ABCC2: variants seen among roughly 807,000 people sequenced by gnomAD.
ABCC2 encodes the protein ATP binding cassette subfamily C member 2.
Under a neutral mutation model 173.4 loss-of-function variants are expected in ABCC2, and 157 were observed. The observed-to-expected ratio is 0.91, with a 90% CI of 0.80 to 1.03. The LOEUF (loss-of-function observed/expected upper bound fraction) is 1.03, where lower values mean the gene tolerates loss of function less well. Ranked by LOEUF, ABCC2 falls within the 50% of genes least tolerant of loss-of-function variation. The pLI, the probability that ABCC2 is intolerant of heterozygous loss-of-function variation, is 0.00. For missense variants in ABCC2, 1,822 were observed against 1,852.3 expected (o/e 0.98, Z 0.30); for synonymous variants, 657 against 693.5 (o/e 0.95, Z 0.83).
chr10:99,794,015 T>C lies in ABCC2; in HGVS notation c.576+16T>C, dbSNP rs775740714. 4.5e-6 allele frequency: 7 copies of C among 1,563,382 alleles called. No individual in the cohort carries two copies. Among genetic ancestry groups the C allele is most frequent in the East Asian group, 4.5e-5 (2 of 44,642 alleles). On this transcript the variant is annotated intron_variant, in intron 5 of 31. Coordinates refer to ENST00000647814, the MANE Select transcript of ABCC2 (RefSeq NM_000392.5). ...GTCATCAAATGTGAGATTCTAAATATGCCCATCTCATATATTACTTAATTG... is the reference window on the plus strand; with the variant it reads ...GTCATCAAATGTGAGATTCTAAATACGCCCATCTCATATATTACTTAATTG...
In ABCC2 at chr10:99,814,131, G is replaced by A. The variant is rs1321604222; in HGVS notation, c.2094+987G>A. On this transcript the variant is annotated intron_variant, in intron 16 of 31. Transcript: ENST00000647814. The stretch of plus-strand genomic sequence containing the variant: ...CATATGTGTATATACACACATATGT[G>A]TGTATATATACACACATGTATGTAT... Among the ~76,000 whole-genome samples, 4 of 110,720 alleles carry A rather than the reference G, an allele frequency of 3.6e-5. 1 individual carries two copies. Among genetic ancestry groups the A allele is most frequent in the African/African-American group, 1.5e-4 (4 of 27,134 alleles). 72.6% of individuals were successfully genotyped at this position (110,720 alleles called of 152,430 possible). A position where few individuals can be genotyped will look rare whatever the true frequency, so the allele number is the denominator to read the frequency against.
chr10:99,817,479 G>A lies in ABCC2; in HGVS notation c.2266G>A (p.Glu756Lys). 1.2e-6 allele frequency: 2 copies of A among 1,614,150 alleles called. No individual in the cohort carries two copies. Among genetic ancestry groups the A allele is most frequent in the Non-Finnish European group, 1.7e-6 (2 of 1,180,022 alleles). Residue 756 changes from glutamate to lysine, a missense_variant, in exon 17 of 32, where the codon GAG becomes AAG. Transcript: ENST00000647814. ...TGGAGGAGATTTGGCTGAGATTGGA[G>A]AGAAGGTACTTGGGATAACAAGGGA... ...LPGGDLAEIG[E>K]KGINLSGGQK...
chr10:99,827,886 C>T (rs539164167), intron 19 of ABCC2, among the ~76,000 whole-genome samples: 177 of 136,740 alleles, frequency 1.3e-3, no homozygotes, highest in African/African-American at 4.4e-3. Flanking sequence ...CGGGATCTCT[C>T]GTCGACTTGT....
chr10:99,795,697 CAAAA>C (rs2037888959), intron 6 of ABCC2, among the ~76,000 whole-genome samples: 4 of 124,982 alleles, frequency 3.2e-5, no homozygotes, highest in South Asian at 2.5e-4. Flanking sequence ...AAAATTCCAT[CAAAA>C]GAAAGAGAGA....
At chr10:99,830,269 A>G (rs775356253) in intron 19 of ABCC2, 38 bp from the exon 20 acceptor site, 5 of 1,613,722 alleles carry the variant, frequency 3.1e-6, no homozygotes, top group Non-Finnish European at 4.2e-6. Context: ...ACAGGGATCT[A>G]TGCAGCTCTT....
At chr10:99,818,222 CA>C (rs34662003) in intron 17 of ABCC2, among the ~76,000 whole-genome samples, 22 of 144,430 alleles carry the variant, frequency 1.5e-4, no homozygotes, top group Non-Finnish European at 2.6e-4. Context: ...GACTCCATCT[CA>C]AAAAAAAAAA....
chr10:99,804,800 C>A (rs1319030192), intron 10 of ABCC2, among the ~76,000 whole-genome samples: 1 of 152,180 alleles, frequency 6.6e-6, no homozygotes, highest in Non-Finnish European at 1.5e-5. Context: ...ATTCAAGTTA[C>A]AAATAATTGT....
At chr10:99,851,122 C>G (rs2039083225) in intron 31 of ABCC2, among the ~76,000 whole-genome samples, 1 of 152,232 alleles carries the variant, frequency 6.6e-6, no homozygotes, top group Non-Finnish European at 1.5e-5. Context: ...TGAGCCTCAG[C>G]TGCTGCTCTG....
chr10:99,814,445 ATG>A lies in ABCC2; in HGVS notation c.2094+1307_2094+1308del, dbSNP rs1415427580. Among the ~76,000 whole-genome samples, 80 of 94,182 alleles carry A rather than the reference ATG, an allele frequency of 8.5e-4. 18 individuals carry two copies. The highest frequency in any genetic ancestry group is 1.3e-3 in the Non-Finnish European group (65 of 49,122). The allele number at this position is 94,182 out of a possible 152,430, so 61.8% of individuals were successfully genotyped here. A position where few individuals can be genotyped will look rare whatever the true frequency, so the allele number is the denominator to read the frequency against. ...TGTGCATATATGTGTATACACACATATGTGTGTATATACATACACACATATGT... is the reference window on the plus strand; with the variant it reads ...TGTGCATATATGTGTATACACACATATGTGTATATACATACACACATATGT... On this transcript the variant is annotated intron_variant, in intron 16 of 31. Coordinates refer to ENST00000647814, the MANE Select transcript of ABCC2 (RefSeq NM_000392.5).
intron 10 of ABCC2, 64 bp from the exon 11 acceptor site, chr10:99,805,318 C>T: frequency 6.8e-7 from 1 of 1,470,394 alleles, no homozygotes; most frequent in Non-Finnish European, 9.5e-7. Flanking sequence ...CTGATGTCTG[C>T]AGCAAACCTG....
rs760171621 is a variant in ABCC2, at chr10:99,807,989, G to A, written c.1669-94G>A. 4.6e-4 allele frequency: 668 copies of A among 1,465,294 alleles called. 1 individual carries two copies. The highest frequency in any genetic ancestry group is 5.6e-4 in the Non-Finnish European group (594 of 1,053,422). 90.8% of individuals were successfully genotyped at this position (1,465,294 alleles called of 1,614,324 possible). A position where few individuals can be genotyped will look rare whatever the true frequency, so the allele number is the denominator to read the frequency against. On this transcript the variant is annotated intron_variant, in intron 12 of 31. Transcript: ENST00000647814. ...GGGGAGGCTGGATGATCCTTAAGGC[G>A]CCTTCAACTCTGATATATGGTGTTC...
chr10:99,844,508 C>A, intron 28 of ABCC2, 43 bp downstream of exon 28: 1 of 1,606,928 alleles, frequency 6.2e-7, no homozygotes, highest in South Asian at 1.1e-5. Context: ...GCCTTGTGAT[C>A]AAACAACAAT....
Position 99,793,939 on chromosome 10 carries a change from C to T in ABCC2, c.516C>T (p.Tyr172=), listed in dbSNP as rs766116167. Residue 172 remains tyrosine (Y), a synonymous_variant, in exon 5 of 32, where the codon TAC becomes TAT. Transcript: ENST00000647814. ...LAYSCLFFIS[Y]GFQILILIFS... ...ACTCCTGCCTGTTCTTCATCTCCTACGGATTCCAGATCCTGATCCTGATCT... is the reference window on the plus strand; with the variant it reads ...ACTCCTGCCTGTTCTTCATCTCCTATGGATTCCAGATCCTGATCCTGATCT... 24 of 1,613,762 alleles carry T rather than the reference C, an allele frequency of 1.5e-5. No homozygotes were observed. The highest frequency in any genetic ancestry group is 1.2e-4 in the Admixed American group (7 of 59,990).
At chr10:99,802,976 AT>A (rs1320685976) in intron 9 of ABCC2, among the ~76,000 whole-genome samples, 1 of 151,900 alleles carries the variant, frequency 6.6e-6, no homozygotes, top group Non-Finnish European at 1.5e-5. Context: ...TATTTTATTT[AT>A]TTATTTTTCA....
intron 16 of ABCC2, among the ~76,000 whole-genome samples, chr10:99,814,286 C>T (rs79272160): frequency 0.014 from 1,018 of 72,166 alleles, 170 homozygotes; most frequent in African/African-American, 0.06. Flanking sequence ...CGTATGTATA[C>T]ACACACGTAT....
At chr10:99,813,180 C>T (rs1410398670) in intron 16 of ABCC2, 36 bp downstream of exon 16, 16 of 1,609,512 alleles carry the variant, frequency 9.9e-6, no homozygotes, top group Non-Finnish European at 1.3e-5. Context: ...CCTCTGACTC[C>T]CGAATGTCAG....
In ABCC2 at chr10:99,832,033, A is replaced by G. The variant is rs2133115842; in HGVS notation, c.3160A>G (p.Asn1054Asp). The G allele has an allele frequency of 6.2e-7, 1 of 1,614,222 alleles. No individual in the cohort carries two copies. The highest frequency in any genetic ancestry group is 8.5e-7 in the Non-Finnish European group (1 of 1,180,032). ...TGCCTTTGGTTTCGTCCATGCATCAAATATCTTGCACAAGCAACTGCTGAA... is the reference window on the plus strand; with the variant it reads ...TGCCTTTGGTTTCGTCCATGCATCAGATATCTTGCACAAGCAACTGCTGAA... ...WSAFGFVHAS[N>D]ILHKQLLNNI... The change falls in exon 23 of 32, where the codon AAT (asparagine) becomes GAT (aspartate). Residue 1054 changes from asparagine (N) to aspartate (D), a missense_variant. Coordinates refer to ENST00000647814, the MANE Select transcript of ABCC2 (RefSeq NM_000392.5).
chr10:99,821,156 G>T (rs933972906), intron 19 of ABCC2, among the ~76,000 whole-genome samples: 1 of 152,228 alleles, frequency 6.6e-6, no homozygotes. Flanking sequence ...TTTTAGATAT[G>T]CATACACATA....
At chr10:99,796,952 T>C (rs559961779) in intron 6 of ABCC2, 145 bp from the exon 7 acceptor site, 75 of 746,638 alleles carry the variant, frequency 1.0e-4, no homozygotes, top group Middle Eastern at 3.5e-4. Context: ...CACTCCTCTG[T>C]CAAGTTCAAA....
Sources: gnomAD v4.1 joint callset for allele counts (sites outside exome capture counted in the v4.1 genomes callset) on GRCh38, gnomAD v4.1.1 for gene constraint, MANE v1.5 for transcripts, NCBI Gene and HGNC (gene_info 2026-07-23, HGNC 2026-07-21) for gene names.